The following MALRD1 variants were observed in gnomAD, a reference collection of about 807,000 sequenced individuals.
The protein encoded by MALRD1 is MAM and LDL-receptor class A domain-containing protein 1.
MALRD1 carries 247 observed loss-of-function variants against 242.1 expected under a neutral mutation model. The ratio of observed to expected loss-of-function variants is 1.02; its 90% CI spans 0.92 to 1.13. The LOEUF is 1.13. Ranked by LOEUF, MALRD1 falls within the 50% of genes most tolerant of loss-of-function variation. MALRD1 has a pLI of 0.00. For missense variants in MALRD1, 2,989 were observed against 2,533.1 expected, an observed-to-expected ratio of 1.18 and a Z score of -3.86; for synonymous variants, 995 against 866.6, an observed-to-expected ratio of 1.15 and a Z score of -2.60.
At chr10:19,440,299 T>G (rs1158066834) in intron 28 of MALRD1, among the ~76,000 whole-genome samples, 1 of 152,134 alleles carries the variant, frequency 6.6e-6, no homozygotes, top group African/African-American at 2.4e-5. Context: ...GTTTTGCATT[T>G]TATTTTTGTT....
chr10:19,220,495 A>G lies in MALRD1; in HGVS notation c.2991+10815A>G, dbSNP rs1469982222. On this transcript the variant is annotated intron_variant, in intron 18 of 39. Coordinates refer to ENST00000454679, the MANE Select transcript of MALRD1 (RefSeq NM_001142308.3). ...GTATATAAAGAAAAATAACTATTTC[A>G]TACCAATATCTTCAGCCGCCTTTAT... is the stretch of plus-strand genomic sequence containing the variant. 2.6e-5 allele frequency among the ~76,000 whole-genome samples: 4 copies of G among 152,358 alleles called. No homozygotes were observed. In the East Asian group the frequency reaches 7.7e-4, roughly 29 times the overall value.
At chr10:19,681,811 C>G (rs1842383122) in intron 36 of MALRD1, among the ~76,000 whole-genome samples, 1 of 148,970 alleles carries the variant, frequency 6.7e-6, no homozygotes, top group African/African-American at 2.5e-5. Context: ...TATCTTTTGT[C>G]TTTAAGGCTA....
chr10:19,535,885 A>G (rs1015378442), intron 32 of MALRD1, among the ~76,000 whole-genome samples: 6 of 152,316 alleles, frequency 3.9e-5, no homozygotes, highest in Non-Finnish European at 7.3e-5. Flanking sequence ...GTCTGAAAGT[A>G]TTTCTTAAGT....
At chr10:19,572,689 G>A (rs1215134575) in intron 33 of MALRD1, among the ~76,000 whole-genome samples, 5 of 152,148 alleles carry the variant, frequency 3.3e-5, no homozygotes, top group Non-Finnish European at 5.9e-5. Context: ...TAAATTAACG[G>A]CATTTTGAAG....
chr10:19,313,047 C>A (rs1309507454), intron 21 of MALRD1, among the ~76,000 whole-genome samples: 1 of 151,270 alleles, frequency 6.6e-6, no homozygotes, highest in African/African-American at 2.4e-5. Flanking sequence ...TAAGATAGGT[C>A]CCAAGAAATG....
chr10:19,414,010 T>A (rs1435564976), intron 28 of MALRD1, among the ~76,000 whole-genome samples: 3 of 151,508 alleles, frequency 2.0e-5, no homozygotes, highest in Non-Finnish European at 4.4e-5. Flanking sequence ...TTCCTCATAA[T>A]TGATTCTCCT....
chr10:19,474,497 T>C (rs1226003673), intron 29 of MALRD1, among the ~76,000 whole-genome samples: 1 of 152,146 alleles, frequency 6.6e-6, no homozygotes, highest in East Asian at 1.9e-4. Flanking sequence ...TAATCTACTA[T>C]ACATTTCGAC....
intron 19 of MALRD1, among the ~76,000 whole-genome samples, chr10:19,272,940 A>G (rs917897243): frequency 1.2e-4 from 18 of 152,192 alleles, no homozygotes. Flanking sequence ...ATTGATGGAC[A>G]TTTGGGTTGG....
chr10:19,429,489 G>A (rs371154373), intron 28 of MALRD1, among the ~76,000 whole-genome samples: 30 of 152,198 alleles, frequency 2.0e-4, no homozygotes, highest in Non-Finnish European at 2.6e-4. Context: ...ACGTGAACCC[G>A]GGAGGTGGAG....
intron 29 of MALRD1, among the ~76,000 whole-genome samples, chr10:19,489,624 G>C (rs1837393923): frequency 6.6e-6 from 1 of 152,148 alleles, no homozygotes; most frequent in Non-Finnish European, 1.5e-5. Flanking sequence ...TACAACCAGA[G>C]AATAGTGTGG....
At chr10:19,417,295 T>A (rs968431607) in intron 28 of MALRD1, among the ~76,000 whole-genome samples, 1 of 152,218 alleles carries the variant, frequency 6.6e-6, no homozygotes, top group African/African-American at 2.4e-5. Flanking sequence ...GGATTTACAA[T>A]AAATTTAGCA....
chr10:19,327,617 C>T lies in MALRD1; in HGVS notation c.3631C>T (p.Gln1211Ter). The T allele has an allele frequency of 6.5e-7, 1 of 1,549,960 alleles. No homozygotes were observed. Among genetic ancestry groups the T allele is most frequent in the African/African-American group, 1.4e-5 (1 of 73,134 alleles). The change falls in exon 23 of 40, where the codon CAA (glutamine) becomes TAA (stop). Residue 1211 changes from glutamine (Q) to a stop codon, truncating the protein, a stop_gained. Coordinates refer to ENST00000454679, the MANE Select transcript of MALRD1 (RefSeq NM_001142308.3). LOFTEE classifies it high-confidence loss of function. ...TSKLWAQTGQQGAQWKRAEVF... is the reference protein window; with the variant it reads ...TSKLWAQTGQ ...TAAATTGTGGGCTCAAACTGGACAG[C>T]AAGGTGCACAGTGGAAGAGAGCAGA...
intron 31 of MALRD1, among the ~76,000 whole-genome samples, chr10:19,504,134 T>A (rs1838093601): frequency 6.6e-6 from 1 of 152,244 alleles, no homozygotes; most frequent in Non-Finnish European, 1.5e-5. Context: ...CTGCAGGTTA[T>A]GCAGATGATA....
chr10:19,353,254 G>T (rs1844477619), intron 26 of MALRD1, among the ~76,000 whole-genome samples: 2 of 152,088 alleles, frequency 1.3e-5, no homozygotes, highest in African/African-American at 4.8e-5. Flanking sequence ...AGATCCACCT[G>T]CCTTGGCCTC....
At chr10:19,169,756 CT>C (rs1200965694) in intron 13 of MALRD1, among the ~76,000 whole-genome samples, 1 of 152,136 alleles carries the variant, frequency 6.6e-6, no homozygotes, top group African/African-American at 2.4e-5. Flanking sequence ...GTTAATCTAG[CT>C]TTTTAAATAT....
At chr10:19,415,199 T>C (rs1474987301) in intron 28 of MALRD1, among the ~76,000 whole-genome samples, 1 of 152,204 alleles carries the variant, frequency 6.6e-6, no homozygotes, top group Non-Finnish European at 1.5e-5. Context: ...AATTTTTAAA[T>C]GTGTTAAACT....
intron 31 of MALRD1, among the ~76,000 whole-genome samples, chr10:19,512,494 A>C (rs1833450657): frequency 6.6e-6 from 1 of 152,246 alleles, no homozygotes; most frequent in African/African-American, 2.4e-5. Context: ...TGATTTGCCC[A>C]GTGAAATGAG....
intron 36 of MALRD1, among the ~76,000 whole-genome samples, chr10:19,663,037 T>C (rs1183309568): frequency 6.6e-6 from 1 of 152,166 alleles, no homozygotes; most frequent in Non-Finnish European, 1.5e-5. Flanking sequence ...TATTTATTTT[T>C]ATAGATTTAG....
chr10:19,189,195 A>T (rs935882025), intron 14 of MALRD1, among the ~76,000 whole-genome samples: 2 of 152,124 alleles, frequency 1.3e-5, no homozygotes, highest in African/African-American at 2.4e-5. Context: ...ATGCCACAAA[A>T]TTGGATAACT....
Sources: allele counts gnomAD v4.1 joint callset (sites outside exome capture counted in the v4.1 genomes callset), GRCh38; gene constraint gnomAD v4.1.1; transcripts MANE v1.5; gene names NCBI Gene and HGNC (gene_info 2026-07-23, HGNC 2026-07-21).